SGCZ: variants seen among roughly 807,000 people sequenced by gnomAD.
SGCZ encodes the protein zeta-sarcoglycan.
Under a neutral mutation model 41.3 loss-of-function variants are expected in SGCZ, and 40 were observed. That is an observed-to-expected ratio of 0.97 (90% CI 0.75 to 1.26). The LOEUF is 1.26. Ranked by LOEUF, SGCZ falls within the 50% of genes most tolerant of loss-of-function variation. The pLI, the probability that SGCZ is intolerant of heterozygous loss-of-function variation, is 0.00. For synonymous variants in SGCZ, 206 were observed against 137.5 expected, an observed-to-expected ratio of 1.50 and a Z score of -3.49; for missense variants, 552 against 369.8, an observed-to-expected ratio of 1.49 and a Z score of -4.04.
At chr8:14,518,958 A>T (rs1802707384) in intron 2 of SGCZ, among the ~76,000 whole-genome samples, 1 of 150,896 alleles carries the variant, frequency 6.6e-6, no homozygotes. Context: ...GGTCCCAGAT[A>T]CTTGGGAGGC....
intron 2 of SGCZ, among the ~76,000 whole-genome samples, chr8:14,396,258 G>A (rs11997300): frequency 0.17 from 25,588 of 152,016 alleles, 5,079 homozygotes; most frequent in African/African-American, 0.48. Context: ...GTAAGGTAAG[G>A]ACTTAAAATG....
chr8:14,475,747 A>T (rs1257665382), intron 2 of SGCZ, among the ~76,000 whole-genome samples: 1 of 152,200 alleles, frequency 6.6e-6, no homozygotes, highest in South Asian at 2.1e-4. Context: ...GACAAGTTCC[A>T]TATCAATGAT....
chr8:15,139,647 T>G (rs12114925), intron 1 of SGCZ, among the ~76,000 whole-genome samples: 21,028 of 152,132 alleles, frequency 0.14, 1,959 homozygotes, highest in Non-Finnish European at 0.21. Flanking sequence ...AGTCTACTTA[T>G]TTAACCAAAA....
intron 1 of SGCZ, among the ~76,000 whole-genome samples, chr8:14,689,730 T>C (rs1417314563): frequency 3.9e-5 from 6 of 152,300 alleles, no homozygotes; most frequent in South Asian, 4.1e-4. Flanking sequence ...GATGAAACTG[T>C]GTAATCACTG....
chr8:14,884,720 A>C (rs1804725820), intron 1 of SGCZ, among the ~76,000 whole-genome samples: 1 of 152,124 alleles, frequency 6.6e-6, no homozygotes. Context: ...ATTTCACAAT[A>C]AGTCATCTAT....
At chr8:15,002,879 C>A (rs1478010487) in intron 1 of SGCZ, among the ~76,000 whole-genome samples, 1 of 152,058 alleles carries the variant, frequency 6.6e-6, no homozygotes, top group Non-Finnish European at 1.5e-5. Context: ...ATAGGAGGGA[C>A]CCTGGGGGAG....
intron 2 of SGCZ, among the ~76,000 whole-genome samples, chr8:14,455,044 T>C (rs2116935650): frequency 6.6e-6 from 1 of 152,206 alleles, no homozygotes; most frequent in East Asian, 1.9e-4. Context: ...CACAAATCTT[T>C]TAAAAATGCA....
chr8:15,006,939 G>C (rs761319017), intron 1 of SGCZ, among the ~76,000 whole-genome samples: 1 of 152,170 alleles, frequency 6.6e-6, no homozygotes, highest in Non-Finnish European at 1.5e-5. Context: ...GGAGAACAGT[G>C]CTGTGCCATG....
intron 2 of SGCZ, among the ~76,000 whole-genome samples, chr8:14,444,555 C>T (rs952820502): frequency 2.1e-4 from 31 of 151,096 alleles, no homozygotes; most frequent in Non-Finnish European, 2.8e-4. Context: ...AGTAAACTAT[C>T]GTAAGAACAA....
chr8:14,553,344 T>G (rs780058630), intron 2 of SGCZ, among the ~76,000 whole-genome samples: 6 of 152,048 alleles, frequency 3.9e-5, no homozygotes, highest in Non-Finnish European at 8.8e-5. Context: ...ACTCAACCTC[T>G]AGCCACCCTC....
At chr8:14,197,675 G>A (rs1417663466) in intron 4 of SGCZ, among the ~76,000 whole-genome samples, 1 of 151,920 alleles carries the variant, frequency 6.6e-6, no homozygotes, top group Non-Finnish European at 1.5e-5. Context: ...CTTATAAAGG[G>A]CATTTACAGA....
At chr8:14,356,140 T>C (rs1193307590) in intron 2 of SGCZ, among the ~76,000 whole-genome samples, 1 of 152,194 alleles carries the variant, frequency 6.6e-6, no homozygotes, top group Non-Finnish European at 1.5e-5. Flanking sequence ...TTGCAAGATT[T>C]TGCCCAACTG....
intron 1 of SGCZ, among the ~76,000 whole-genome samples, chr8:15,129,634 A>G (rs1403542500): frequency 6.8e-6 from 1 of 146,726 alleles, no homozygotes; most frequent in Non-Finnish European, 1.5e-5. Flanking sequence ...TGGGAACAGC[A>G]TCATTGAAAT....
At chr8:14,843,862 C>T (rs377379474) in intron 1 of SGCZ, among the ~76,000 whole-genome samples, 28 of 151,850 alleles carry the variant, frequency 1.8e-4, no homozygotes, top group Non-Finnish European at 3.1e-4. Flanking sequence ...CCAGTCTAGT[C>T]TTAGTTCTGT....
intron 1 of SGCZ, among the ~76,000 whole-genome samples, chr8:14,777,305 A>G (rs1055828686): frequency 6.6e-6 from 1 of 152,198 alleles, no homozygotes; most frequent in African/African-American, 2.4e-5. Context: ...TTATAATTAC[A>G]GATATCATAA....
At position 14,972,506 on chromosome 8, in the gene SGCZ, G is replaced by T. The variant is rs142997853; in HGVS notation, c.39+265079C>A. On this transcript the variant is annotated intron_variant, in intron 1 of 7. Transcript: ENST00000382080. Reference sequence around the variant, plus strand: ...GCTTATGTAGACCATTAAATGTAATGTGACTATTGATATGGTTAAATTTAA... The same window carrying T: ...GCTTATGTAGACCATTAAATGTAATTTGACTATTGATATGGTTAAATTTAA... 5.7e-3 allele frequency among the ~76,000 whole-genome samples: 861 copies of T among 152,236 alleles called. 6 individuals are homozygous for T. Among genetic ancestry groups the T allele is most frequent in the Non-Finnish European group, 9.7e-3 (661 of 68,012 alleles).
intron 1 of SGCZ, among the ~76,000 whole-genome samples, chr8:15,168,861 G>A (rs577276492): frequency 6.6e-6 from 1 of 152,154 alleles, no homozygotes; most frequent in East Asian, 1.9e-4. Flanking sequence ...AAACTAGTTG[G>A]TTTAGGATTG....
At chr8:14,443,742 T>C (rs1405658715) in intron 2 of SGCZ, among the ~76,000 whole-genome samples, 9 of 152,086 alleles carry the variant, frequency 5.9e-5, no homozygotes, top group Admixed American at 4.6e-4. Flanking sequence ...ATTCAGGACA[T>C]AGGCATAGGC....
chr8:14,323,940 C>T (rs1034886141), intron 3 of SGCZ, among the ~76,000 whole-genome samples, 163 bp downstream of exon 3: 1 of 152,026 alleles, frequency 6.6e-6, no homozygotes, highest in African/African-American at 2.4e-5. Context: ...CTAACCTCCA[C>T]TGATTTTCAA....
Sources: allele counts gnomAD v4.1 joint callset (sites outside exome capture counted in the v4.1 genomes callset), GRCh38; gene constraint gnomAD v4.1.1; transcripts MANE v1.5; gene names NCBI Gene and HGNC (gene_info 2026-07-23, HGNC 2026-07-21).